PCDH11X: variants seen among roughly 807,000 people sequenced by gnomAD.
The protein encoded by PCDH11X is protocadherin 11 X-linked.
Under a neutral mutation model 53.3 loss-of-function variants are expected in PCDH11X, and 18 were observed. The ratio of observed to expected loss-of-function variants is 0.34; its 90% CI spans 0.23 to 0.50. The LOEUF (loss-of-function observed/expected upper bound fraction) is 0.50. Among genes scored for constraint, PCDH11X ranks in the 20% least tolerant of loss-of-function variants. The probability of loss-of-function intolerance (pLI) is 0.98; values close to 1 mark genes in which losing one functional copy is unlikely to be tolerated. For missense variants in PCDH11X, 570 were observed against 1,032.4 expected (o/e 0.55, Z 6.14); for synonymous variants, 279 against 393.3 (o/e 0.71, Z 3.44).
intron 5 of PCDH11X, among the ~76,000 whole-genome samples, chrX:91,837,604 G>C (rs1937350137): frequency 9.0e-6 from 1 of 111,524 alleles, no homozygotes; most frequent in Non-Finnish European, 1.9e-5. Context: ...TATCACAGGG[G>C]CAGAATTGGG....
rs936293274 is a variant in PCDH11X at position 92,622,942 on chromosome X, T to G, written c.*4002T>G. Reference sequence around the variant, plus strand: ...AAGTGATACTTTTTAAAGAGTAAACTGTGTGAAATTTATACTATCCCTGCT... The same window carrying G: ...AAGTGATACTTTTTAAAGAGTAAACGGTGTGAAATTTATACTATCCCTGCT... On this transcript the variant is annotated 3_prime_UTR_variant, in exon 11 of 11. Coordinates refer to ENST00000682573, the MANE Select transcript of PCDH11X (RefSeq NM_032968.5). 1.5e-4 allele frequency: 17 copies of G among 111,380 alleles called. No individual in the cohort carries two copies. The highest frequency in any genetic ancestry group is 5.2e-4 in the African/African-American group (16 of 30,667). 9.2% of individuals were successfully genotyped at this position (111,380 alleles called of 1,213,427 possible).
chrX:92,332,276 T>G (rs1398287537), intron 8 of PCDH11X, among the ~76,000 whole-genome samples: 2 of 112,205 alleles, frequency 1.8e-5, no homozygotes, highest in African/African-American at 6.5e-5. Flanking sequence ...TTGCATTACT[T>G]TTGACAATAG....
chrX:92,052,910 A>G (rs188532331), intron 6 of PCDH11X, among the ~76,000 whole-genome samples: 2 of 111,708 alleles, frequency 1.8e-5, no homozygotes, highest in African/African-American at 6.5e-5. Context: ...TGTTTGAATT[A>G]AAGTCAAAAA....
At chrX:91,885,928 A>T (rs1309165993) in intron 6 of PCDH11X, among the ~76,000 whole-genome samples, 1 of 111,628 alleles carries the variant, frequency 9.0e-6, no homozygotes, top group Non-Finnish European at 1.9e-5. Context: ...TAGTACAGAG[A>T]TTTAACAGTA....
intron 6 of PCDH11X, among the ~76,000 whole-genome samples, chrX:92,130,616 C>T (rs867340703): frequency 1.9e-5 from 2 of 102,846 alleles, no homozygotes; most frequent in Non-Finnish European, 3.9e-5. Context: ...TGCCATTGCA[C>T]TCCAGCCTGG....
intron 4 of PCDH11X, among the ~76,000 whole-genome samples, chrX:91,815,833 A>C (rs1453005961): frequency 1.8e-5 from 2 of 110,063 alleles, no homozygotes; most frequent in Non-Finnish European, 3.8e-5. Flanking sequence ...AAAACTAATT[A>C]AGCAACATTA....
chrX:91,937,659 T>G (rs1397506940), intron 6 of PCDH11X, among the ~76,000 whole-genome samples: 1 of 110,777 alleles, frequency 9.0e-6, no homozygotes, highest in Non-Finnish European at 1.9e-5. Flanking sequence ...GTGATTAGAT[T>G]TATTAACTAG....
chrX:92,499,335 A>G (rs1314452761), intron 10 of PCDH11X, among the ~76,000 whole-genome samples: 850 of 84,828 alleles, frequency 0.01, 13 homozygotes, highest in African/African-American at 0.033. Context: ...ATCTGATTCT[A>G]TATTAATATA....
chrX:92,213,995 G>A (rs2148340360), intron 7 of PCDH11X, among the ~76,000 whole-genome samples: 1 of 111,833 alleles, frequency 8.9e-6, no homozygotes, highest in East Asian at 2.8e-4. Context: ...GAGTCTTCTA[G>A]CAACGTCTAG....
At chrX:92,418,826 G>A (rs2071879285) in intron 9 of PCDH11X, among the ~76,000 whole-genome samples, 1 of 102,306 alleles carries the variant, frequency 9.8e-6, no homozygotes, top group South Asian at 4.6e-4. Context: ...AGTTTCTTAA[G>A]GTGAAAATTT....
At chrX:91,848,091 T>C (rs1173807014) in intron 5 of PCDH11X, among the ~76,000 whole-genome samples, 2 of 112,050 alleles carry the variant, frequency 1.8e-5, no homozygotes, top group Non-Finnish European at 3.8e-5. Context: ...CATGTGAGTA[T>C]AGCCTGAAGA....
In PCDH11X at chrX:92,620,415, G is replaced by C. The variant is rs187269944; in HGVS notation, c.*1475G>C. On this transcript the variant is annotated 3_prime_UTR_variant, in exon 11 of 11. Coordinates refer to ENST00000682573, the MANE Select transcript of PCDH11X (RefSeq NM_032968.5). ...CTTAATTTTCTTCCATAGCAAAACT[G>C]AGAAAATACCTTGTTTCAGTATAAC... 1.0e-5 allele frequency: 1 copy of C among 95,289 alleles called. No individual in the cohort carries two copies. The highest frequency in any genetic ancestry group is 3.7e-4 in the East Asian group (1 of 2,705). 7.9% of individuals were successfully genotyped at this position (95,289 alleles called of 1,213,427 possible).
chrX:92,173,415 A>AT (rs2065853273), intron 6 of PCDH11X, among the ~76,000 whole-genome samples: 1 of 111,390 alleles, frequency 9.0e-6, no homozygotes, highest in African/African-American at 3.3e-5. Context: ...ATTGCTTTAA[A>AT]TTTTTTCTGG....
chrX:92,293,405 A>G (rs2068532438), intron 8 of PCDH11X, among the ~76,000 whole-genome samples: 1 of 110,228 alleles, frequency 9.1e-6, no homozygotes, highest in Admixed American at 9.7e-5. Flanking sequence ...CGGGCAGATC[A>G]TGAGGTCAGG....
At chrX:92,184,021 T>C (rs1384047968) in intron 6 of PCDH11X, among the ~76,000 whole-genome samples, 10 of 111,564 alleles carry the variant, frequency 9.0e-5, no homozygotes, top group African/African-American at 3.3e-4. Flanking sequence ...TCCATTAGAA[T>C]ATAATCTCAG....
intron 6 of PCDH11X, among the ~76,000 whole-genome samples, chrX:92,135,593 G>C (rs1470344677): frequency 1.8e-5 from 2 of 110,938 alleles, no homozygotes; most frequent in Non-Finnish European, 3.8e-5. Context: ...TGCAAGAATA[G>C]GGTTTATGTT....
intron 1 of PCDH11X, among the ~76,000 whole-genome samples, chrX:91,797,716 C>T (rs1935785456): frequency 9.4e-6 from 1 of 106,124 alleles, no homozygotes; most frequent in African/African-American, 3.4e-5. Context: ...TGGACATTAG[C>T]CTTATTGTCC....
chrX:92,606,971 A>G (rs1926893382), intron 10 of PCDH11X, among the ~76,000 whole-genome samples: 1 of 110,676 alleles, frequency 9.0e-6, no homozygotes, highest in Admixed American at 9.7e-5. Context: ...TCACAATGAG[A>G]TAGCACTTCT....
intron 9 of PCDH11X, among the ~76,000 whole-genome samples, chrX:92,397,955 G>A (rs2071283941): frequency 9.0e-6 from 1 of 111,031 alleles, no homozygotes; most frequent in African/African-American, 3.3e-5. Context: ...ACACAAATAT[G>A]TTTTTATTCA....
Sources: allele counts gnomAD v4.1 joint callset (sites outside exome capture counted in the v4.1 genomes callset), GRCh38; gene constraint gnomAD v4.1.1; transcripts MANE v1.5; gene names NCBI Gene and HGNC (gene_info 2026-07-23, HGNC 2026-07-21).